ATG5: variants seen among roughly 807,000 people sequenced by gnomAD.
The protein encoded by ATG5 is autophagy related 5.
ATG5 carries 14 observed loss-of-function variants against 36.5 expected under a neutral mutation model. The observed-to-expected ratio is 0.38, with a 90% CI of 0.25 to 0.60. The LOEUF (loss-of-function observed/expected upper bound fraction) is 0.60. ATG5 is among the 20% of genes least tolerant of loss of function. The probability of loss-of-function intolerance (pLI) is 0.60; values close to 1 mark genes in which losing one functional copy is unlikely to be tolerated. For synonymous variants in ATG5, 95 were observed against 101.5 expected (o/e 0.94, Z 0.38); for missense variants, 195 against 326.7 (o/e 0.60, Z 3.11).
intron 6 of ATG5, among the ~76,000 whole-genome samples, chr6:106,229,085 T>C (rs1436700273): frequency 1.3e-5 from 2 of 152,260 alleles, no homozygotes; most frequent in Non-Finnish European, 2.9e-5. Flanking sequence ...TTCTTGAAAG[T>C]GTAGCCCCAA....
At chr6:106,255,148 A>G (rs1006993338) in intron 5 of ATG5, among the ~76,000 whole-genome samples, 11 of 152,214 alleles carry the variant, frequency 7.2e-5, no homozygotes, top group Non-Finnish European at 4.4e-5. Flanking sequence ...GTGGTCCAAG[A>G]ACATCTGGGC....
chr6:106,219,631 C>T (rs1777166280), intron 6 of ATG5, among the ~76,000 whole-genome samples: 1 of 152,084 alleles, frequency 6.6e-6, no homozygotes, highest in Non-Finnish European at 1.5e-5. Flanking sequence ...AAATACTACA[C>T]CATTTTATAT....
At chr6:106,211,778 G>T (rs1415718031) in intron 6 of ATG5, among the ~76,000 whole-genome samples, 2 of 152,156 alleles carry the variant, frequency 1.3e-5, no homozygotes, top group Non-Finnish European at 2.9e-5. Flanking sequence ...GGCTTAGATG[G>T]ACATTCTAGT....
intron 6 of ATG5, among the ~76,000 whole-genome samples, chr6:106,246,860 T>C (rs1004331285): frequency 1.3e-5 from 2 of 152,162 alleles, no homozygotes; most frequent in South Asian, 2.1e-4. Flanking sequence ...TATAAATAAT[T>C]AAAATAAAAT....
chr6:106,298,167 G>A (rs911169651), intron 3 of ATG5, among the ~76,000 whole-genome samples: 2 of 151,702 alleles, frequency 1.3e-5, no homozygotes, highest in Non-Finnish European at 2.9e-5. Flanking sequence ...GTTTCTGTTG[G>A]CCAGGCTAGT....
rs1157458411 is a variant in ATG5 at position 106,290,936 on chromosome 6, GA to G, written c.315+2091del. Among the ~76,000 whole-genome samples, 4 of 152,200 alleles carry G rather than the reference GA, an allele frequency of 2.6e-5. 1 individual carries two copies. The highest frequency in any genetic ancestry group is 2.6e-4 in the Admixed American group (4 of 15,282). ...AAATTCAAATTTTCACTAAAAAGTTGAAATTTTACCACTGACAACAAATACT... is the reference window on the plus strand; with the variant it reads ...AAATTCAAATTTTCACTAAAAAGTTGAATTTTACCACTGACAACAAATACT... On this transcript the variant is annotated intron_variant, in intron 4 of 7. Transcript: ENST00000369076.
intron 3 of ATG5, among the ~76,000 whole-genome samples, chr6:106,295,055 AAT>A (rs78859655): frequency 1.7e-4 from 25 of 145,246 alleles, no homozygotes; most frequent in African/African-American, 5.2e-4. Flanking sequence ...ATTAAAAAAA[AAT>A]ATACATACAC....
chr6:106,217,104 T>C (rs1334907045), intron 6 of ATG5, among the ~76,000 whole-genome samples: 1 of 152,022 alleles, frequency 6.6e-6, no homozygotes, highest in African/African-American at 2.4e-5. Flanking sequence ...AAATTATATT[T>C]CATAAAAACA....
intron 6 of ATG5, among the ~76,000 whole-genome samples, chr6:106,231,507 C>T (rs1440564850): frequency 1.3e-5 from 2 of 152,114 alleles, no homozygotes; most frequent in Non-Finnish European, 2.9e-5. Flanking sequence ...TGCTAACTTG[C>T]GTGCTAGAAG....
chr6:106,218,305 G>T (rs575597762), intron 6 of ATG5, among the ~76,000 whole-genome samples: 2 of 152,188 alleles, frequency 1.3e-5, no homozygotes, highest in South Asian at 4.1e-4. Context: ...TTAAAATATG[G>T]TGTTTTATTC....
chr6:106,308,559 T>C, intron 2 of ATG5, 68 bp from the exon 3 acceptor site: 1 of 1,259,438 alleles, frequency 7.9e-7, no homozygotes, highest in Non-Finnish European at 1.0e-6. Context: ...CTAAGTAGGT[T>C]TTTGAATTTT....
chr6:106,276,968 A>G (rs1233424058), intron 5 of ATG5, among the ~76,000 whole-genome samples: 1 of 152,188 alleles, frequency 6.6e-6, no homozygotes, highest in African/African-American at 2.4e-5. Context: ...CAAAGCTTAT[A>G]ACCTAGTTGA....
chr6:106,224,469 TAAAG>T (rs548143356), intron 6 of ATG5, among the ~76,000 whole-genome samples: 146 of 152,144 alleles, frequency 9.6e-4, no homozygotes, highest in African/African-American at 3.3e-3. Context: ...TGAAGAAAAG[TAAAG>T]AAAGAGGAAA....
At chr6:106,324,899 TTTGGA>T in intron 1 of ATG5, among the ~76,000 whole-genome samples, 1 of 152,220 alleles carries the variant, frequency 6.6e-6, no homozygotes, top group East Asian at 1.9e-4. Flanking sequence ...TCTGGAAGGC[TTTGGA>T]AGTTCAGCTA....
At chr6:106,241,148 G>A (rs140949499) in intron 6 of ATG5, among the ~76,000 whole-genome samples, 72 of 152,238 alleles carry the variant, frequency 4.7e-4, no homozygotes, top group African/African-American at 1.7e-3. Flanking sequence ...ACGAGACTCT[G>A]TCTCAACAAA....
At chr6:106,298,879 A>G (rs1241235046) in intron 3 of ATG5, among the ~76,000 whole-genome samples, 2 of 152,228 alleles carry the variant, frequency 1.3e-5, no homozygotes, top group African/African-American at 2.4e-5. Flanking sequence ...AATTAAAGGT[A>G]CTGAGTTTCT....
intron 5 of ATG5, among the ~76,000 whole-genome samples, chr6:106,270,486 C>T (rs1779414345): frequency 6.6e-6 from 1 of 152,122 alleles, no homozygotes; most frequent in Admixed American, 6.5e-5. Flanking sequence ...AAAAAGCAAA[C>T]ATAAATGAGG....
In ATG5 at chr6:106,251,054, C is replaced by T. The variant is rs140243308; in HGVS notation, c.479-2810G>A. On this transcript the variant is annotated intron_variant, in intron 5 of 7. Transcript: ENST00000369076. ...GGTTAACCAGCCCTCAAGACAGAATCTAGCACTCCAAAGGCTTCCTGCTTG... is the reference window on the plus strand; with the variant it reads ...GGTTAACCAGCCCTCAAGACAGAATTTAGCACTCCAAAGGCTTCCTGCTTG... 4.2e-3 allele frequency among the ~76,000 whole-genome samples: 639 copies of T among 152,364 alleles called. 5 individuals are homozygous for T. The highest frequency in any genetic ancestry group is 0.015 in the African/African-American group (607 of 41,584).
At chr6:106,216,486 C>T (rs894843372) in intron 6 of ATG5, among the ~76,000 whole-genome samples, 1 of 151,914 alleles carries the variant, frequency 6.6e-6, no homozygotes, top group East Asian at 1.9e-4. Flanking sequence ...GCAAAAGAAA[C>T]CAGACACAAA....
Sources: allele counts gnomAD v4.1 joint callset (sites outside exome capture counted in the v4.1 genomes callset), GRCh38; gene constraint gnomAD v4.1.1; transcripts MANE v1.5; gene names NCBI Gene and HGNC (gene_info 2026-07-23, HGNC 2026-07-21).